SV2B: variants seen among roughly 807,000 people sequenced by gnomAD.
The protein encoded by SV2B is solute carrier family 22 member B2.
In SV2B, 41 loss-of-function variants were observed where a neutral mutation model predicts 73.9. The ratio of observed to expected loss-of-function variants is 0.56; its 90% CI spans 0.43 to 0.72. The LOEUF (loss-of-function observed/expected upper bound fraction) is 0.72. Among genes scored for constraint, SV2B ranks in the 30% least tolerant of loss-of-function variants. SV2B has a pLI of 0.00. For missense variants in SV2B, 764 were observed against 857.8 expected (o/e 0.89, Z 1.37); for synonymous variants, 314 against 314.2 (o/e 1.00, Z 0.01).
At chr15:91,117,877 A>T (rs950144505) in intron 1 of SV2B, among the ~76,000 whole-genome samples, 11 of 152,230 alleles carry the variant, frequency 7.2e-5, no homozygotes, top group Non-Finnish European at 1.3e-4. Context: ...CTATGTAACA[A>T]GATGTTGAGT....
rs1316304316 is a variant in SV2B, at chr15:91,295,343, C to A, written c.*2791C>A. On this transcript the variant is annotated 3_prime_UTR_variant, in exon 13 of 13. Coordinates refer to ENST00000394232, the MANE Select transcript of SV2B (RefSeq NM_001323032.3). ...ATCCTGAGGTCATGTAACAAGTAAA[C>A]CCCAACCCAGCGTTCCCTCCTACGT... 6.6e-6 allele frequency: 1 copy of A among 152,134 alleles called. No homozygotes were observed. Among genetic ancestry groups the A allele is most frequent in the Admixed American group, 6.5e-5 (1 of 15,282 alleles). 9.4% of individuals were successfully genotyped at this position (152,134 alleles called of 1,614,324 possible).
At position 91,128,257 on chromosome 15, in the gene SV2B, CAAG is replaced by C. The variant is rs1173138854; in HGVS notation, c.-392+27898_-392+27900del. ...TGAGTCATCCGCAGAGGCTGTTCTC[CAAG>C]AAGGTGGGATGGGAGAGCAGGAGGA... On this transcript the variant is annotated intron_variant, in intron 1 of 12. Coordinates refer to ENST00000394232, the MANE Select transcript of SV2B (RefSeq NM_001323032.3). The surrounding 1 kb of genome is among the most constrained non-coding windows in gnomAD (Gnocchi z 4.2). Among the ~76,000 whole-genome samples, 5 of 152,226 alleles carry C rather than the reference CAAG, an allele frequency of 3.3e-5. No homozygotes were observed. The highest frequency in any genetic ancestry group is 1.9e-4 in the East Asian group (1 of 5,164).
At chr15:91,117,373 G>A (rs112576327) in intron 1 of SV2B, among the ~76,000 whole-genome samples, 135 of 152,360 alleles carry the variant, frequency 8.9e-4, no homozygotes, top group African/African-American at 3.1e-3. Flanking sequence ...GACATATAGC[G>A]AGGGTATTAA....
chr15:91,114,885 G>C (rs1292206963), intron 1 of SV2B, among the ~76,000 whole-genome samples: 2 of 152,114 alleles, frequency 1.3e-5, no homozygotes, highest in African/African-American at 4.8e-5. Context: ...TAATCAATGG[G>C]CTATTTGGAA....
intron 1 of SV2B, among the ~76,000 whole-genome samples, chr15:91,149,702 T>C (rs539245378): frequency 4.6e-5 from 7 of 152,282 alleles, no homozygotes; most frequent in Admixed American, 3.9e-4. Context: ...TGCTATCTGT[T>C]GTCCTCATGT....
intron 1 of SV2B, among the ~76,000 whole-genome samples, chr15:91,153,336 T>G (rs903927902): frequency 6.6e-6 from 1 of 152,132 alleles, no homozygotes; most frequent in African/African-American, 2.4e-5. Context: ...GGTGCCAGCG[T>G]CACTGTGTGT....
intron 1 of SV2B, among the ~76,000 whole-genome samples, chr15:91,179,492 C>G (rs192088080): frequency 0.36 from 54,239 of 151,624 alleles, 10,155 homozygotes; most frequent in East Asian, 0.7. Flanking sequence ...TGACAGTGGG[C>G]TGTTAAAGTT....
chr15:91,185,406 A>G (rs2044732240), intron 1 of SV2B, among the ~76,000 whole-genome samples: 1 of 152,218 alleles, frequency 6.6e-6, no homozygotes, highest in African/African-American at 2.4e-5. Flanking sequence ...CCTTCCTTCC[A>G]TTTAAATAAT....
chr15:91,167,146 T>G (rs1012683833), intron 1 of SV2B, among the ~76,000 whole-genome samples: 1 of 152,188 alleles, frequency 6.6e-6, no homozygotes, highest in African/African-American at 2.4e-5. Flanking sequence ...AGAATTTCTT[T>G]CAATTAATTT....
chr15:91,272,888 A>T (rs1227778139), intron 9 of SV2B, among the ~76,000 whole-genome samples: 1 of 129,566 alleles, frequency 7.7e-6, no homozygotes, highest in Non-Finnish European at 1.5e-5. Context: ...TCTGGAGTGC[A>T]TTGGCATGAT....
intron 1 of SV2B, among the ~76,000 whole-genome samples, chr15:91,210,375 A>T (rs759682538): frequency 6.6e-6 from 1 of 152,040 alleles, no homozygotes; most frequent in Non-Finnish European, 1.5e-5. Flanking sequence ...TAAGCTGCGG[A>T]GAGTACAGAT....
At chr15:91,212,795 A>C (rs967358672) in intron 1 of SV2B, among the ~76,000 whole-genome samples, 3 of 151,768 alleles carry the variant, frequency 2.0e-5, no homozygotes, top group Non-Finnish European at 4.4e-5. Flanking sequence ...CTCTATAAAA[A>C]AATTTTTAAA....
chr15:91,246,180 G>A (rs989489995), intron 2 of SV2B, among the ~76,000 whole-genome samples: 9 of 152,058 alleles, frequency 5.9e-5, no homozygotes, highest in Admixed American at 6.5e-5. Flanking sequence ...AAGGAGAGAG[G>A]GAGGTCTATT....
intron 2 of SV2B, among the ~76,000 whole-genome samples, chr15:91,249,066 T>G (rs2047370744): frequency 1.6e-5 from 1 of 63,210 alleles, no homozygotes; most frequent in African/African-American, 7.1e-5. Context: ...ACATCTACGT[T>G]TTCACACACA....
In SV2B at chr15:91,224,388, G is replaced by T. The variant is rs2046309421; in HGVS notation, c.-391-1485G>T. Among the ~76,000 whole-genome samples, 1 of 152,158 alleles carries T rather than the reference G, an allele frequency of 6.6e-6. No individual in the cohort carries two copies. The highest frequency in any genetic ancestry group is 2.1e-4 in the South Asian group (1 of 4,820). On this transcript the variant is annotated intron_variant, in intron 1 of 12. Transcript: ENST00000394232. The surrounding 1 kb of genome is among the most constrained non-coding windows in gnomAD (Gnocchi z 4.9). ...TCCCTATCAGAGGGTCCAGCAGCTG[G>T]GAGCACTGGGGTGGGGTAGGGGGTG...
Position 91,289,790 on chromosome 15 carries a change from G to C in SV2B, c.1868+110G>C. 3 of 1,231,370 alleles carry C rather than the reference G, an allele frequency of 2.4e-6. No homozygotes were observed. Among genetic ancestry groups the C allele is most frequent in the South Asian group, 1.6e-5 (1 of 63,604 alleles). 76.3% of individuals were successfully genotyped at this position (1,231,370 alleles called of 1,614,324 possible). ...GCATGGCCATCGTGGTCTTTCTGCTGTTCCGTGAAACAAACATCTTTTATG... is the reference window on the plus strand; with the variant it reads ...GCATGGCCATCGTGGTCTTTCTGCTCTTCCGTGAAACAAACATCTTTTATG... On this transcript the variant is annotated intron_variant, in intron 12 of 12. Coordinates refer to ENST00000394232, the MANE Select transcript of SV2B (RefSeq NM_001323032.3). This position sits in a 1 kb window ranked among gnomAD's most constrained non-coding sequence, Gnocchi z 4.9.
intron 1 of SV2B, among the ~76,000 whole-genome samples, chr15:91,195,164 T>C (rs2045199622): frequency 6.6e-6 from 1 of 152,076 alleles, no homozygotes; most frequent in African/African-American, 2.4e-5. Context: ...ATGTAAACTA[T>C]TGTTTTTTTT....
At chr15:91,248,324 A>G (rs2047335697) in intron 2 of SV2B, among the ~76,000 whole-genome samples, 2 of 152,282 alleles carry the variant, frequency 1.3e-5, no homozygotes, top group Admixed American at 1.3e-4. Flanking sequence ...AAAACAAAAA[A>G]CAAACAAACA....
At chr15:91,153,766 T>C (rs925235996) in intron 1 of SV2B, among the ~76,000 whole-genome samples, 4 of 136,410 alleles carry the variant, frequency 2.9e-5, no homozygotes, top group African/African-American at 1.0e-4. Context: ...TGTCAAGTGG[T>C]AAAGTCAGGC....
Sources: allele counts gnomAD v4.1 joint callset (sites outside exome capture counted in the v4.1 genomes callset), GRCh38; gene constraint gnomAD v4.1.1; non-coding constraint Gnocchi (gnomAD v3.1); transcripts MANE v1.5; gene names NCBI Gene and HGNC (gene_info 2026-07-23, HGNC 2026-07-21).